Variants in BICRAL observed in about 807,000 individuals in gnomAD.
BICRAL encodes BRD4-interacting chromatin-remodeling complex-associated protein-like.
BICRAL carries 8 observed loss-of-function variants against 91.8 expected under a neutral mutation model. The ratio of observed to expected loss-of-function variants is 0.09; its 90% confidence interval spans 0.05 to 0.16. The LOEUF (loss-of-function observed/expected upper bound fraction) is 0.16. Ranked by LOEUF, BICRAL falls within the 10% of genes least tolerant of loss-of-function variation. The probability of loss-of-function intolerance (pLI) is 1.00; values close to 1 mark genes in which losing one functional copy is unlikely to be tolerated. For missense variants in BICRAL, 1,038 were observed against 1,310.9 expected, an observed-to-expected ratio of 0.79 and a Z score of 3.21; for synonymous variants, 445 against 491.1, an observed-to-expected ratio of 0.91 and a Z score of 1.24.
Position 42,829,216 on chromosome 6 carries a change from A to G in BICRAL, c.883A>G (p.Asn295Asp). The G allele has an allele frequency of 6.2e-7, 1 of 1,614,162 alleles. No individual in the cohort carries two copies. The highest frequency in any genetic ancestry group is 2.2e-5 in the East Asian group (1 of 44,878). The change falls in exon 6 of 13, where the codon AAC becomes GAC. Residue 295 changes from asparagine (N) to aspartate (D), a missense_variant. By Grantham distance (23) the Asn-to-Asp change is conservative. This residue lies in a region of BICRAL where 532 missense variants were observed against 724.9 expected (regional missense o/e 0.73). Transcript: ENST00000314073. Reference protein sequence around the residue: ...TNFQTSLPVHNIIIQRGLAPN... With the variant: ...TNFQTSLPVHDIIIQRGLAPN... ...TTTTCAAACATCTTTACCTGTGCAT[A>G]ACATCATCATACAAAGGGGTCTTGC...
rs58785533 is a variant in BICRAL, at chr6:42,868,070, CTTTTTTTT to C, written c.*2634_*2641del. On this transcript the variant is annotated 3_prime_UTR_variant, in exon 13 of 13. Coordinates refer to ENST00000314073, the MANE Select transcript of BICRAL (RefSeq NM_001393499.1). ...TGTACTCAGTAACAAAAATCATTTT[CTTTTTTTT>C]TTTTTTTTTCTGTTGTGGAAAAGCG... is the stretch of plus-strand genomic sequence containing the variant. 8.1e-6 allele frequency: 1 copy of C among 124,076 alleles called. No individual in the cohort carries two copies. The highest frequency in any genetic ancestry group is 2.9e-5 in the African/African-American group (1 of 34,674). 7.7% of individuals were successfully genotyped at this position (124,076 alleles called of 1,614,324 possible).
intron 10 of BICRAL, among the ~76,000 whole-genome samples, chr6:42,859,528 T>C: frequency 6.6e-6 from 1 of 152,200 alleles, no homozygotes; most frequent in Non-Finnish European, 1.5e-5. Flanking sequence ...TGTCTTTACA[T>C]TAAACTGGTT....
At chr6:42,782,877 C>T (rs894597927) in intron 1 of BICRAL, among the ~76,000 whole-genome samples, 3 of 151,650 alleles carry the variant, frequency 2.0e-5, no homozygotes, top group South Asian at 2.1e-4. Context: ...CAATCTCCTC[C>T]CCTCTGTTTT....
At chr6:42,791,196 A>T (rs1394763443) in intron 1 of BICRAL, among the ~76,000 whole-genome samples, 1 of 152,046 alleles carries the variant, frequency 6.6e-6, no homozygotes, top group Non-Finnish European at 1.5e-5. Context: ...TCAGGAAAAG[A>T]TCCTGAGACC....
intron 1 of BICRAL, among the ~76,000 whole-genome samples, chr6:42,752,760 T>C (rs1391085874): frequency 6.6e-6 from 1 of 151,826 alleles, no homozygotes; most frequent in Non-Finnish European, 1.5e-5. Context: ...CACACCACCA[T>C]GTGTGGCTAA....
At chr6:42,832,571 A>C (rs1764518767) in intron 6 of BICRAL, among the ~76,000 whole-genome samples, 1 of 139,214 alleles carries the variant, frequency 7.2e-6, no homozygotes, top group Non-Finnish European at 1.5e-5. Context: ...CAAAGATATC[A>C]AAGGGGCGTG....
At chr6:42,830,571 T>A (rs996564212) in intron 6 of BICRAL, among the ~76,000 whole-genome samples, 12 of 128,026 alleles carry the variant, frequency 9.4e-5, no homozygotes, top group African/African-American at 2.2e-4. Flanking sequence ...AAAAAAAAAA[T>A]TTTTTTTTAC....
intron 6 of BICRAL, among the ~76,000 whole-genome samples, chr6:42,833,275 C>T (rs1407857060): frequency 6.6e-6 from 1 of 151,846 alleles, no homozygotes; most frequent in Non-Finnish European, 1.5e-5. Flanking sequence ...CAGGTGACCT[C>T]CTGACCTCGT....
At chr6:42,752,696 C>T (rs1214456848) in intron 1 of BICRAL, among the ~76,000 whole-genome samples, 1 of 151,974 alleles carries the variant, frequency 6.6e-6, no homozygotes, top group East Asian at 1.9e-4. Flanking sequence ...CTCCACCTCC[C>T]AGGTTCAAGC....
chr6:42,816,875 G>T (rs1047534942), intron 2 of BICRAL, among the ~76,000 whole-genome samples: 1 of 151,756 alleles, frequency 6.6e-6, no homozygotes, highest in African/African-American at 2.4e-5. Flanking sequence ...TTAGCTGGGC[G>T]TGGTGGTGGG....
chr6:42,759,800 T>G (rs892502697), intron 1 of BICRAL, among the ~76,000 whole-genome samples: 6 of 152,168 alleles, frequency 3.9e-5, no homozygotes, highest in Admixed American at 2.6e-4. Flanking sequence ...TTGGTTCTGG[T>G]TAGATGATTA....
rs760174644 is a variant in BICRAL at position 42,829,314 on chromosome 6, T to C, written c.981T>C (p.Asn327=). 5.6e-6 allele frequency: 9 copies of C among 1,614,080 alleles called. No individual in the cohort carries two copies. The South Asian group carries it at 7.7e-5, about 14-fold the overall frequency. The change falls in exon 6 of 13, where the codon AAT becomes AAC. Residue 327 remains asparagine (N), a synonymous_variant. Transcript: ENST00000314073. ...PIQMGQQNTY[N]VNNLGIQQHH... ...AGATGGGTCAGCAAAATACATACAA[T>C]GTGAACAATTTGGGAATTCAGCAGC...
At chr6:42,773,332 C>G (rs1346620945) in intron 1 of BICRAL, among the ~76,000 whole-genome samples, 1 of 151,972 alleles carries the variant, frequency 6.6e-6, no homozygotes, top group African/African-American at 2.4e-5. Context: ...CCCACCTCAG[C>G]CTCCCAAAGT....
upstream of BICRAL, among the ~76,000 whole-genome samples, chr6:42,779,440 C>T (rs1284983554): frequency 1.3e-5 from 2 of 151,988 alleles, no homozygotes; most frequent in Non-Finnish European, 2.9e-5. Context: ...TTTTCCAAGC[C>T]AATTAGAAAA....
intron 11 of BICRAL, among the ~76,000 whole-genome samples, chr6:42,862,002 A>C (rs1446736429): frequency 6.6e-6 from 1 of 151,894 alleles, no homozygotes; most frequent in East Asian, 1.9e-4. Context: ...CTGTCTAAAA[A>C]TAAATAAATA....
In BICRAL at chr6:42,857,894, G is replaced by T. The variant is rs1765434313; in HGVS notation, c.2254+658G>T. On this transcript the variant is annotated intron_variant, in intron 10 of 12. Transcript: ENST00000314073. ...GCACGATCAACTCACTGCAACCTCT[G>T]CCTCCCAGGTTCAAGTGACTCTCCC... Among the ~76,000 whole-genome samples the T allele has an allele frequency of 3.0e-5, 4 of 132,026 alleles. No homozygotes were observed. In the Admixed American group the frequency reaches 3.6e-4, roughly 12 times the overall value. The allele number at this position is 132,026 out of a possible 152,430, so 86.6% of individuals were successfully genotyped here.
intron 1 of BICRAL, among the ~76,000 whole-genome samples, chr6:42,763,287 A>AAG (rs948752519): frequency 2.6e-5 from 4 of 152,220 alleles, no homozygotes; most frequent in African/African-American, 9.6e-5. Context: ...ACAGATTGGG[A>AAG]AGAGGATTAC....
intron 2 of BICRAL, among the ~76,000 whole-genome samples, chr6:42,821,421 G>A (rs1411406336): frequency 6.6e-6 from 1 of 152,176 alleles, no homozygotes; most frequent in Non-Finnish European, 1.5e-5. Context: ...ATTGTTTGGA[G>A]TTGAACAGGG....
rs58785533 is a variant in BICRAL at position 42,868,070 on chromosome 6, C to CTTTTTT, written c.*2636_*2641dup. The CTTTTTT allele has an allele frequency of 2.0e-4, 25 of 124,012 alleles. No individual in the cohort carries two copies. Among genetic ancestry groups the CTTTTTT allele is most frequent in the Non-Finnish European group, 3.0e-4 (17 of 56,886 alleles). The allele number at this position is 124,012 out of a possible 1,614,324, so 7.7% of individuals were successfully genotyped here. Reference sequence around the variant, plus strand: ...TGTACTCAGTAACAAAAATCATTTTCTTTTTTTTTTTTTTTTTCTGTTGTG... The same window carrying CTTTTTT: ...TGTACTCAGTAACAAAAATCATTTTCTTTTTTTTTTTTTTTTTTTTTTTCTGTTGTG... On this transcript the variant is annotated 3_prime_UTR_variant, in exon 13 of 13. Coordinates refer to ENST00000314073, the MANE Select transcript of BICRAL (RefSeq NM_001393499.1).
Sources: allele counts gnomAD v4.1 joint callset (sites outside exome capture counted in the v4.1 genomes callset), GRCh38; gene constraint gnomAD v4.1.1; regional missense constraint gnomAD v4.1.1; transcripts MANE v1.5; gene names NCBI Gene and HGNC (gene_info 2026-07-23, HGNC 2026-07-21).